ANKS1B: variants seen among roughly 807,000 people sequenced by gnomAD.
The protein encoded by ANKS1B is ankyrin repeat and sterile alpha motif domain containing 1B.
Under a neutral mutation model 148.3 loss-of-function variants are expected in ANKS1B, and 36 were observed. The observed-to-expected ratio is 0.24, with a 90% CI of 0.19 to 0.32. The LOEUF (loss-of-function observed/expected upper bound fraction) is 0.32. Ranked by LOEUF, ANKS1B falls within the 10% of genes least tolerant of loss-of-function variation. ANKS1B has a pLI of 1.00. For missense variants in ANKS1B, 1,157 were observed against 1,542.6 expected (o/e 0.75, Z 4.19); for synonymous variants, 542 against 560.8 (o/e 0.97, Z 0.47).
chr12:99,110,631 T>C (rs1251977661), intron 15 of ANKS1B, among the ~76,000 whole-genome samples: 1 of 152,226 alleles, frequency 6.6e-6, no homozygotes, highest in Non-Finnish European at 1.5e-5. Context: ...TATATTAATA[T>C]GAAGCAGGAA....
intron 12 of ANKS1B, among the ~76,000 whole-genome samples, chr12:99,272,439 C>T (rs1273013125): frequency 6.6e-6 from 1 of 152,152 alleles, no homozygotes; most frequent in Non-Finnish European, 1.5e-5. Flanking sequence ...ATTGCTCTAG[C>T]AGAATCTGTC....
chr12:99,107,599 G>A (rs1009883696), intron 15 of ANKS1B, among the ~76,000 whole-genome samples: 2 of 152,138 alleles, frequency 1.3e-5, no homozygotes, highest in Non-Finnish European at 1.5e-5. Flanking sequence ...TCTACTCAGA[G>A]GATTCAGTGG....
intron 22 of ANKS1B, among the ~76,000 whole-genome samples, chr12:98,785,915 T>A (rs1270294451): frequency 6.6e-6 from 1 of 152,164 alleles, no homozygotes; most frequent in Non-Finnish European, 1.5e-5. Flanking sequence ...AGGCGAACCT[T>A]CTGTTATCGT....
intron 12 of ANKS1B, among the ~76,000 whole-genome samples, chr12:99,307,494 G>A (rs1352129619): frequency 6.6e-6 from 1 of 151,996 alleles, no homozygotes; most frequent in Non-Finnish European, 1.5e-5. Context: ...ACAGAAAAAG[G>A]CAGTGAACAG....
At chr12:99,281,471 G>T (rs1255061026) in intron 12 of ANKS1B, among the ~76,000 whole-genome samples, 3 of 150,624 alleles carry the variant, frequency 2.0e-5, no homozygotes, top group Non-Finnish European at 4.4e-5. Flanking sequence ...AAGCCATGGA[G>T]TCTAGCCCAA....
chr12:99,685,763 C>T (rs2098646130), intron 8 of ANKS1B, among the ~76,000 whole-genome samples: 1 of 151,450 alleles, frequency 6.6e-6, no homozygotes, highest in African/African-American at 2.4e-5. Context: ...TATATATACA[C>T]ACACACACAT....
chr12:99,074,749 A>T (rs573083143), intron 16 of ANKS1B, among the ~76,000 whole-genome samples: 5 of 152,318 alleles, frequency 3.3e-5, no homozygotes, highest in South Asian at 2.1e-4. Flanking sequence ...CTCAGTTTGG[A>T]AATATCTTTG....
intron 1 of ANKS1B, among the ~76,000 whole-genome samples, chr12:99,841,908 C>T (rs1262938555): frequency 1.3e-5 from 2 of 151,940 alleles, no homozygotes; most frequent in Non-Finnish European, 2.9e-5. Flanking sequence ...TCAGCATATT[C>T]AGAGATTTAG....
chr12:99,875,305 G>GA (rs905861502), intron 1 of ANKS1B, among the ~76,000 whole-genome samples: 1 of 151,944 alleles, frequency 6.6e-6, no homozygotes, highest in Admixed American at 6.6e-5. Flanking sequence ...AAGTCCTTAA[G>GA]TTTTTTACTT....
Position 98,803,712 on chromosome 12 carries a change from G to A in ANKS1B, c.3142-2587C>T, listed in dbSNP as rs77569017. 6.4e-3 allele frequency among the ~76,000 whole-genome samples: 974 copies of A among 152,320 alleles called. 13 individuals carry two copies. The highest frequency in any genetic ancestry group is 0.022 in the African/African-American group (929 of 41,564). On this transcript the variant is annotated intron_variant, in intron 20 of 26. Coordinates refer to ENST00000683438, the MANE Select transcript of ANKS1B (RefSeq NM_001352186.2). ...AGGGCCAGGGCTGGGAACAGGGCTG[G>A]GGGTGGGAATGAGTTGGGGGAAGCT...
At chr12:99,610,866 G>A (rs542146725) in intron 9 of ANKS1B, among the ~76,000 whole-genome samples, 2 of 152,150 alleles carry the variant, frequency 1.3e-5, no homozygotes, top group African/African-American at 4.8e-5. Context: ...TTATGAGTAT[G>A]CCTTTTCTTC....
At chr12:99,286,450 C>A (rs573924277) in intron 12 of ANKS1B, among the ~76,000 whole-genome samples, 168 of 152,178 alleles carry the variant, frequency 1.1e-3, no homozygotes, top group Admixed American at 2.6e-3. Flanking sequence ...CAGGGCCACA[C>A]TGGCTTTATG....
intron 17 of ANKS1B, among the ~76,000 whole-genome samples, chr12:98,950,480 G>A (rs906079662): frequency 6.6e-6 from 1 of 152,180 alleles, no homozygotes; most frequent in Non-Finnish European, 1.5e-5. Context: ...CTGGGTAACA[G>A]AGTGAGACTC....
intron 9 of ANKS1B, among the ~76,000 whole-genome samples, chr12:99,632,935 G>GT (rs2098187603): frequency 1.1e-5 from 1 of 89,920 alleles, no homozygotes; most frequent in African/African-American, 4.5e-5. Flanking sequence ...ACAGGCCCCA[G>GT]TGTGTGATGT....
chr12:99,394,823 C>T (rs78786920), intron 12 of ANKS1B, among the ~76,000 whole-genome samples: 3,806 of 152,234 alleles, frequency 0.025, 153 homozygotes, highest in East Asian at 0.085. Flanking sequence ...CACATCTATA[C>T]CTGCAGACTG....
intron 17 of ANKS1B, among the ~76,000 whole-genome samples, chr12:98,959,325 C>T (rs2099867438): frequency 6.6e-6 from 1 of 152,166 alleles, no homozygotes; most frequent in Non-Finnish European, 1.5e-5. Context: ...GAGCCACAGA[C>T]TTCTTCTGTA....
chr12:99,542,819 T>A (rs917115355), intron 9 of ANKS1B, among the ~76,000 whole-genome samples: 1 of 151,998 alleles, frequency 6.6e-6, no homozygotes, highest in African/African-American at 2.4e-5. Flanking sequence ...CTACCTCATA[T>A]AATGTACAAA....
At chr12:99,728,049 A>G (rs1460149590) in intron 8 of ANKS1B, among the ~76,000 whole-genome samples, 1 of 152,196 alleles carries the variant, frequency 6.6e-6, no homozygotes, top group Admixed American at 6.5e-5. Flanking sequence ...AACTTAGGCA[A>G]TACCATTCAG....
intron 12 of ANKS1B, among the ~76,000 whole-genome samples, chr12:99,267,559 G>T (rs1051136582): frequency 1.0e-5 from 1 of 95,300 alleles, no homozygotes; most frequent in African/African-American, 6.1e-5. Flanking sequence ...TTATTTGGCT[G>T]TACATTCATT....
Sources: allele counts gnomAD v4.1 joint callset (sites outside exome capture counted in the v4.1 genomes callset), GRCh38; gene constraint gnomAD v4.1.1; transcripts MANE v1.5; gene names NCBI Gene and HGNC (gene_info 2026-07-23, HGNC 2026-07-21).